Variants in DNM3 observed in about 807,000 individuals in gnomAD.
DNM3 encodes dynamin 3.
In DNM3, 47 loss-of-function variants were observed where a neutral mutation model predicts 101.6. The ratio of observed to expected loss-of-function variants is 0.46; its 90% confidence interval spans 0.37 to 0.59. The LOEUF (loss-of-function observed/expected upper bound fraction) is 0.59. DNM3 is among the 20% of genes least tolerant of loss of function. The probability of loss-of-function intolerance (pLI) is 0.00; values close to 1 mark genes in which losing one functional copy is unlikely to be tolerated. For missense variants in DNM3, 849 were observed against 1,085.7 expected (o/e 0.78, Z 3.06); for synonymous variants, 385 against 387.9 (o/e 0.99, Z 0.09).
chr1:171,925,136 G>A (rs547158989), intron 2 of DNM3, among the ~76,000 whole-genome samples: 1 of 150,944 alleles, frequency 6.6e-6, no homozygotes, highest in South Asian at 2.1e-4. Context: ...CCTGACCTCA[G>A]GTGATTCACC....
chr1:172,094,088 G>A lies in DNM3; in HGVS notation c.1545+1213G>A, dbSNP rs1470569028. 3.3e-5 allele frequency among the ~76,000 whole-genome samples: 5 copies of A among 152,196 alleles called. No homozygotes were observed. The East Asian group carries it at 9.6e-4, about 29-fold the overall frequency. On this transcript the variant is annotated intron_variant, in intron 13 of 20. Coordinates refer to ENST00000627582, the MANE Select transcript of DNM3 (RefSeq NM_015569.5). ...TATGCTATGTTGTTATGAGGTGTAA[G>A]CCTTTCTCTTCCCCTTGTATGGTAA...
chr1:172,059,544 T>C (rs200956574), intron 10 of DNM3, among the ~76,000 whole-genome samples: 1,536 of 72,574 alleles, frequency 0.021, 1 homozygote, highest in East Asian at 0.08. Flanking sequence ...GTTCAATATA[T>C]GCAAATCAAT....
intron 15 of DNM3, among the ~76,000 whole-genome samples, chr1:172,290,987 G>A (rs533489730): frequency 6.6e-6 from 1 of 152,144 alleles, no homozygotes; most frequent in Non-Finnish European, 1.5e-5. Flanking sequence ...GAGGGGGAGT[G>A]GTCAACAAAT....
chr1:172,147,081 T>C (rs1481857753), intron 14 of DNM3, among the ~76,000 whole-genome samples: 5 of 152,126 alleles, frequency 3.3e-5, no homozygotes, highest in Admixed American at 6.6e-5. Flanking sequence ...TTAACTGAAG[T>C]GTTTGTGGGT....
intron 4 of DNM3, among the ~76,000 whole-genome samples, chr1:171,991,457 G>C (rs2045625211): frequency 6.6e-6 from 1 of 152,094 alleles, no homozygotes; most frequent in Non-Finnish European, 1.5e-5. Context: ...TTGTTATAAA[G>C]AATATTACAA....
intron 17 of DNM3, among the ~76,000 whole-genome samples, 193 bp downstream of exon 17, chr1:172,323,533 T>G (rs2065818387): frequency 6.6e-6 from 1 of 152,172 alleles, no homozygotes; most frequent in Non-Finnish European, 1.5e-5. Flanking sequence ...TTTTGACTTT[T>G]GGGAAGGGAA....
chr1:171,995,278 T>G (rs2045926427), intron 4 of DNM3, among the ~76,000 whole-genome samples: 1 of 152,014 alleles, frequency 6.6e-6, no homozygotes, highest in African/African-American at 2.4e-5. Flanking sequence ...GCTAATTTTT[T>G]GCATTTAGTG....
Position 172,387,389 on chromosome 1 carries a change from G to A in DNM3, c.2285+30G>A, listed in dbSNP as rs1182677513. 6 of 1,574,796 alleles carry A rather than the reference G, an allele frequency of 3.8e-6. No individual in the cohort carries two copies. The East Asian group carries it at 6.9e-5, about 18-fold the overall frequency. ...GAAGATGGCCCCGGCCGGGTGCGGT[G>A]GCTCGCTCCTGTAATCCCAGCACTT... On this transcript the variant is annotated intron_variant, in intron 19 of 20. Transcript: ENST00000627582.
At chr1:172,268,008 G>A (rs1420933240) in intron 15 of DNM3, among the ~76,000 whole-genome samples, 1 of 152,126 alleles carries the variant, frequency 6.6e-6, no homozygotes, top group Non-Finnish European at 1.5e-5. Context: ...CACGGCACCT[G>A]GCCAGGTTTT....
At chr1:172,306,683 T>A (rs2064833468) in intron 15 of DNM3, among the ~76,000 whole-genome samples, 1 of 152,070 alleles carries the variant, frequency 6.6e-6, no homozygotes, top group African/African-American at 2.4e-5. Context: ...AAAACAGAGA[T>A]ATAGACCAAT....
chr1:171,952,367 GCTACATGAGT>G (rs1188046283), intron 2 of DNM3, among the ~76,000 whole-genome samples: 1 of 152,182 alleles, frequency 6.6e-6, no homozygotes, highest in Non-Finnish European at 1.5e-5. Context: ...GTCATGTGAT[GCTACATGAGT>G]CAGGTTGGAA....
intron 2 of DNM3, among the ~76,000 whole-genome samples, chr1:171,946,923 G>C (rs1375511763): frequency 1.3e-5 from 2 of 152,166 alleles, no homozygotes; most frequent in African/African-American, 4.8e-5. Context: ...ATTACTGCCA[G>C]GATAGCACCA....
At chr1:172,058,870 A>AC (rs901941473) in intron 10 of DNM3, among the ~76,000 whole-genome samples, 3 of 129,272 alleles carry the variant, frequency 2.3e-5, no homozygotes, top group African/African-American at 9.4e-5. Flanking sequence ...GGAAATAGAG[A>AC]CAAAAAAAAC....
At chr1:172,244,425 A>G (rs1304633858) in intron 14 of DNM3, among the ~76,000 whole-genome samples, 2 of 151,944 alleles carry the variant, frequency 1.3e-5, no homozygotes, top group East Asian at 1.9e-4. Context: ...GCAACCTACA[A>G]AATGGGAGAA....
intron 17 of DNM3, among the ~76,000 whole-genome samples, chr1:172,364,272 A>G (rs2067894018): frequency 6.6e-6 from 1 of 151,916 alleles, no homozygotes; most frequent in African/African-American, 2.4e-5. Context: ...TACAAGTACA[A>G]CAGAAACTTA....
intron 1 of DNM3, among the ~76,000 whole-genome samples, chr1:171,915,567 C>T (rs1302088543): frequency 6.6e-6 from 1 of 152,058 alleles, no homozygotes; most frequent in East Asian, 1.9e-4. Context: ...TTTATGGATG[C>T]TGATGATGTG....
At chr1:172,095,004 C>G (rs931087342) in intron 13 of DNM3, among the ~76,000 whole-genome samples, 3 of 152,146 alleles carry the variant, frequency 2.0e-5, no homozygotes, top group African/African-American at 7.2e-5. Context: ...CTTCCAAATG[C>G]TCAAATCATG....
At chr1:171,899,180 G>T (rs1163597413) in intron 1 of DNM3, among the ~76,000 whole-genome samples, 1 of 152,192 alleles carries the variant, frequency 6.6e-6, no homozygotes, top group Non-Finnish European at 1.5e-5. Context: ...TCTGGATTTG[G>T]TGCTGGTGTG....
At chr1:172,279,550 C>T (rs2063409927) in intron 15 of DNM3, among the ~76,000 whole-genome samples, 1 of 152,088 alleles carries the variant, frequency 6.6e-6, no homozygotes, top group African/African-American at 2.4e-5. Flanking sequence ...ACTCTGATTA[C>T]TCTTCTGGGC....
Sources: gnomAD v4.1 joint callset for allele counts (sites outside exome capture counted in the v4.1 genomes callset) on GRCh38, gnomAD v4.1.1 for gene constraint, MANE v1.5 for transcripts, NCBI Gene and HGNC (gene_info 2026-07-23, HGNC 2026-07-21) for gene names.